Variants in ZHX2 observed in about 807,000 individuals in gnomAD.
ZHX2 encodes zinc fingers and homeoboxes 2.
Under a neutral mutation model 21.9 loss-of-function variants are expected in ZHX2, and 6 were observed. The observed-to-expected ratio is 0.27, with a 90% CI of 0.15 to 0.54. The LOEUF is 0.54. Ranked by LOEUF, ZHX2 falls within the 20% of genes least tolerant of loss-of-function variation. The pLI, the probability that ZHX2 is intolerant of heterozygous loss-of-function variation, is 0.95. For missense variants in ZHX2, 908 were observed against 1,090.7 expected (o/e 0.83, Z 2.36); for synonymous variants, 434 against 437.1 (o/e 0.99, Z 0.09).
intron 2 of ZHX2, among the ~76,000 whole-genome samples, chr8:122,922,669 G>C (rs1374620670): frequency 6.6e-6 from 1 of 152,150 alleles, no homozygotes; most frequent in African/African-American, 2.4e-5. Context: ...TGACCTTTTT[G>C]GGTCCCTTCA....
Position 122,952,694 on chromosome 8 carries a change from T to G in ZHX2, c.1184T>G (p.Leu395Arg). Residue 395 changes from leucine to arginine, a missense_variant, in exon 3 of 4, where the codon CTT becomes CGT. This residue lies in a region of ZHX2 where 232 missense variants were observed against 361.8 expected (regional missense o/e 0.64). Transcript: ENST00000314393. The surrounding 1 kb of genome is among the most constrained non-coding windows in gnomAD (Gnocchi z 6.9). ...STTVSCSPIT[L>R]AVAGVTNHGQ... Reference sequence around the variant, plus strand: ...ACCGTCTCTTGCTCCCCCATCACACTTGCCGTGGCAGGAGTCACCAACCAT... The same window carrying G: ...ACCGTCTCTTGCTCCCCCATCACACGTGCCGTGGCAGGAGTCACCAACCAT... 2 of 1,614,038 alleles carry G rather than the reference T, an allele frequency of 1.2e-6. No individual in the cohort carries two copies. Among genetic ancestry groups the G allele is most frequent in the Non-Finnish European group, 1.7e-6 (2 of 1,180,000 alleles).
At chr8:122,943,035 G>C (rs529957214) in intron 2 of ZHX2, among the ~76,000 whole-genome samples, 2 of 152,164 alleles carry the variant, frequency 1.3e-5, no homozygotes, top group Non-Finnish European at 2.9e-5. Context: ...GCTGAGGTGG[G>C]TGGATCACCT....
rs963173912 is a variant in ZHX2 at position 122,828,536 on chromosome 8, A to G, written c.-282-34941A>G. 6.6e-6 allele frequency among the ~76,000 whole-genome samples: 1 copy of G among 152,242 alleles called. No individual in the cohort carries two copies. Among genetic ancestry groups the G allele is most frequent in the African/African-American group, 2.4e-5 (1 of 41,450 alleles). On this transcript the variant is annotated intron_variant, in intron 1 of 3. Coordinates refer to ENST00000314393, the MANE Select transcript of ZHX2 (RefSeq NM_014943.5). This position sits in a 1 kb window ranked among gnomAD's most constrained non-coding sequence, Gnocchi z 5.2. Reference sequence around the variant, plus strand: ...CATCTACCAGTGTGCAGCTAAACCCATGGCAGGAGACGCTGTCCTTGTGAC... The same window carrying G: ...CATCTACCAGTGTGCAGCTAAACCCGTGGCAGGAGACGCTGTCCTTGTGAC...
intron 2 of ZHX2, among the ~76,000 whole-genome samples, chr8:122,924,144 A>T (rs1474373262): frequency 1.3e-5 from 2 of 152,160 alleles, no homozygotes; most frequent in Non-Finnish European, 2.9e-5. Flanking sequence ...CTTGGGAGAG[A>T]TTCATTGTCT....
At chr8:122,881,963 G>A (rs1160331469) in intron 2 of ZHX2, among the ~76,000 whole-genome samples, 2 of 152,150 alleles carry the variant, frequency 1.3e-5, no homozygotes, top group Non-Finnish European at 2.9e-5. Context: ...ATGGAAGAAG[G>A]ATACAGTTTG....
chr8:122,804,613 A>G (rs1480050288), intron 1 of ZHX2, among the ~76,000 whole-genome samples: 1 of 152,236 alleles, frequency 6.6e-6, no homozygotes, highest in Non-Finnish European at 1.5e-5. Context: ...TGCAAAAAGC[A>G]GCTAGGACAT....
At chr8:122,926,734 T>C (rs1820864744) in intron 2 of ZHX2, among the ~76,000 whole-genome samples, 1 of 152,182 alleles carries the variant, frequency 6.6e-6, no homozygotes, top group Non-Finnish European at 1.5e-5. Flanking sequence ...CTTTCCAGCA[T>C]CTAGGGCTAC....
chr8:122,935,537 T>TG (rs35227690), intron 2 of ZHX2, among the ~76,000 whole-genome samples: 1 of 13,478 alleles, frequency 7.4e-5, no homozygotes. Context: ...TGAGAGTAAC[T>TG]TTTTTTTTTT....
chr8:122,942,711 A>C (rs1352880603), intron 2 of ZHX2, among the ~76,000 whole-genome samples: 6 of 152,286 alleles, frequency 3.9e-5, no homozygotes, highest in Non-Finnish European at 7.4e-5. Context: ...TGACAGCCAG[A>C]CTGTGAGCCA....
chr8:122,792,380 A>G (rs987791776), intron 1 of ZHX2, among the ~76,000 whole-genome samples: 2 of 152,220 alleles, frequency 1.3e-5, no homozygotes, highest in African/African-American at 4.8e-5. Flanking sequence ...CAGTTGATAG[A>G]CAATCGGGTT....
intron 1 of ZHX2, among the ~76,000 whole-genome samples, chr8:122,792,533 T>C (rs1040966687): frequency 3.3e-5 from 5 of 152,220 alleles, no homozygotes; most frequent in Admixed American, 2.0e-4. Context: ...GTTTAACTTT[T>C]TGAGAAACTG....
At chr8:122,789,800 C>T (rs1817475376) in intron 1 of ZHX2, among the ~76,000 whole-genome samples, 2 of 152,200 alleles carry the variant, frequency 1.3e-5, no homozygotes, top group South Asian at 4.1e-4. Context: ...GAGAACTCTG[C>T]GATTTCATTA....
chr8:122,888,183 C>G (rs1436578759), intron 2 of ZHX2, among the ~76,000 whole-genome samples: 11 of 152,104 alleles, frequency 7.2e-5, no homozygotes, highest in Admixed American at 7.2e-4. Flanking sequence ...GCCTCTGCCT[C>G]TGAAAATGCA....
chr8:122,819,786 T>G (rs1818103434), intron 1 of ZHX2, among the ~76,000 whole-genome samples: 1 of 152,300 alleles, frequency 6.6e-6, no homozygotes, highest in Non-Finnish European at 1.5e-5. Context: ...CAGGCTTGGC[T>G]TCCAGAAGGC....
intron 2 of ZHX2, among the ~76,000 whole-genome samples, chr8:122,892,560 C>G (rs2129875435): frequency 6.6e-6 from 1 of 152,196 alleles, no homozygotes; most frequent in African/African-American, 2.4e-5. Flanking sequence ...TGATTCCTTT[C>G]TCTTTCTCAT....
chr8:122,810,306 G>T lies in ZHX2; in HGVS notation c.-283+28360G>T, dbSNP rs117171747. On this transcript the variant is annotated intron_variant, in intron 1 of 3. Coordinates refer to ENST00000314393, the MANE Select transcript of ZHX2 (RefSeq NM_014943.5). ...GTAGTAACACCTGCTTCCTTGGCTT[G>T]TTTTGAGTATTAAATGCAACAATGT... The T allele has an allele frequency of 7.2e-5, 11 of 152,318 alleles. No homozygotes were observed. The East Asian group carries it at 2.1e-3, about 29-fold the overall frequency. The allele number at this position is 152,318 out of a possible 1,614,324, so 9.4% of individuals were successfully genotyped here. A position where few individuals can be genotyped will look rare whatever the true frequency, so the allele number is the denominator to read the frequency against.
intron 1 of ZHX2, among the ~76,000 whole-genome samples, chr8:122,812,216 G>A (rs1273047260): frequency 6.6e-6 from 1 of 152,144 alleles, no homozygotes; most frequent in Non-Finnish European, 1.5e-5. Context: ...CGAGGAGTCC[G>A]ATGTGTGCAG....
chr8:122,802,960 C>T (rs1817748850), intron 1 of ZHX2, among the ~76,000 whole-genome samples: 1 of 151,668 alleles, frequency 6.6e-6, no homozygotes. Context: ...CCCACCCCAC[C>T]CCACCCCGCC....
At chr8:122,801,409 G>A (rs1288520836) in intron 1 of ZHX2, among the ~76,000 whole-genome samples, 1 of 152,084 alleles carries the variant, frequency 6.6e-6, no homozygotes, top group Non-Finnish European at 1.5e-5. Flanking sequence ...TTATATCTGA[G>A]GACCTTATAA....
Sources: allele counts gnomAD v4.1 joint callset (sites outside exome capture counted in the v4.1 genomes callset), GRCh38; gene constraint gnomAD v4.1.1; regional missense constraint gnomAD v4.1.1; non-coding constraint Gnocchi (gnomAD v3.1); transcripts MANE v1.5; gene names NCBI Gene and HGNC (gene_info 2026-07-23, HGNC 2026-07-21).